Variants in IL1RAPL1 observed in about 807,000 individuals in gnomAD.
The protein encoded by IL1RAPL1 is interleukin 1 receptor accessory protein like 1.
IL1RAPL1 carries 3 observed loss-of-function variants against 48.4 expected under a neutral mutation model. The ratio of observed to expected loss-of-function variants is 0.06; its 90% CI spans 0.03 to 0.16. The LOEUF (loss-of-function observed/expected upper bound fraction) is 0.16. Ranked by LOEUF, IL1RAPL1 falls within the 10% of genes least tolerant of loss-of-function variation. The pLI is 1.00. For synonymous variants in IL1RAPL1, 185 were observed against 187.7 expected, an observed-to-expected ratio of 0.99 and a Z score of 0.12; for missense variants, 349 against 530.6, an observed-to-expected ratio of 0.66 and a Z score of 3.36.
intron 2 of IL1RAPL1, among the ~76,000 whole-genome samples, chrX:28,862,886 ATT>A (rs71997063): frequency 0.4 from 40,766 of 103,076 alleles, 6,096 homozygotes; most frequent in East Asian, 0.55. Flanking sequence ...AAATTATGCC[ATT>A]TTTTTTTTTT....
At chrX:29,495,460 G>A (rs774297654) in intron 5 of IL1RAPL1, among the ~76,000 whole-genome samples, 2 of 111,577 alleles carry the variant, frequency 1.8e-5, no homozygotes, top group South Asian at 3.8e-4. Context: ...CATCTATCTC[G>A]TAATCTAATC....
intron 3 of IL1RAPL1, among the ~76,000 whole-genome samples, chrX:29,356,514 CAT>C (rs57795031): frequency 0.024 from 1,986 of 81,239 alleles, 23 homozygotes; most frequent in Non-Finnish European, 0.038. Context: ...TATACACACA[CAT>C]ATGTATATTT....
At chrX:28,736,118 A>G (rs1019293964) in intron 1 of IL1RAPL1, among the ~76,000 whole-genome samples, 1 of 111,680 alleles carries the variant, frequency 9.0e-6, no homozygotes, top group African/African-American at 3.3e-5. Flanking sequence ...ATTAGAATGT[A>G]TACAATCCTT....
At chrX:29,268,729 C>T in intron 2 of IL1RAPL1, among the ~76,000 whole-genome samples, 1 of 112,090 alleles carries the variant, frequency 8.9e-6, no homozygotes, top group African/African-American at 3.2e-5. Flanking sequence ...GCTTAATGCG[C>T]TATGCAGTAA....
At chrX:29,211,145 C>T (rs757962383) in intron 2 of IL1RAPL1, among the ~76,000 whole-genome samples, 9 of 95,912 alleles carry the variant, frequency 9.4e-5, no homozygotes, top group African/African-American at 3.5e-4. Flanking sequence ...GAGAGAGAAC[C>T]GAAACAAAGT....
intron 3 of IL1RAPL1, among the ~76,000 whole-genome samples, chrX:29,366,204 A>G (rs1306151123): frequency 9.0e-6 from 1 of 111,228 alleles, no homozygotes; most frequent in Non-Finnish European, 1.9e-5. Context: ...ATATTACCTT[A>G]AGTTGGGGGT....
At chrX:29,377,647 G>C (rs753965334) in intron 3 of IL1RAPL1, among the ~76,000 whole-genome samples, 1 of 112,000 alleles carries the variant, frequency 8.9e-6, no homozygotes, top group Admixed American at 9.5e-5. Context: ...AAAATTATTG[G>C]TTGAAATTTA....
intron 2 of IL1RAPL1, among the ~76,000 whole-genome samples, chrX:28,878,367 C>T (rs1184708062): frequency 9.0e-6 from 1 of 111,280 alleles, no homozygotes; most frequent in Non-Finnish European, 1.9e-5. Context: ...GGCATGACGG[C>T]ATGATCATAC....
chrX:28,759,374 GTCTTCCATTAAAAATGGAA>G lies in IL1RAPL1; in HGVS notation c.-24-29945_-24-29927del, dbSNP rs753165425. On this transcript the variant is annotated intron_variant, in intron 1 of 10. Transcript: ENST00000378993. Reference sequence around the variant, plus strand: ...AGGAGCTCTGAATGCAATACTATCTGTCTTCCATTAAAAATGGAAGACATCATTCCCATAAGTTGGGAAA... The same window carrying G: ...AGGAGCTCTGAATGCAATACTATCTGGACATCATTCCCATAAGTTGGGAAA... Among the ~76,000 whole-genome samples the G allele has an allele frequency of 3.6e-5, 4 of 110,994 alleles. No individual in the cohort carries two copies. In the East Asian group the frequency reaches 1.1e-3, roughly 31 times the overall value.
At position 29,839,762 on chromosome X, in the gene IL1RAPL1, T is replaced by G. The variant is rs12007226; in HGVS notation, c.779-77702T>G. Among the ~76,000 whole-genome samples, 917 of 110,896 alleles carry G rather than the reference T, an allele frequency of 8.3e-3. 4 individuals carry two copies. Among genetic ancestry groups the G allele is most frequent in the African/African-American group, 0.028 (848 of 30,434 alleles). On this transcript the variant is annotated intron_variant, in intron 6 of 10. Transcript: ENST00000378993. ...GAGAATTTGTCTCTACAAAAATATT[T>G]TTTTTAAAAATTAGCCAAACATGGC...
At chrX:29,028,798 G>C (rs1926550411) in intron 2 of IL1RAPL1, among the ~76,000 whole-genome samples, 4 of 111,195 alleles carry the variant, frequency 3.6e-5, no homozygotes. Flanking sequence ...CAAACAACTA[G>C]TCCAAAAGGT....
chrX:29,727,459 A>G (rs1927803327), intron 6 of IL1RAPL1, among the ~76,000 whole-genome samples: 1 of 112,092 alleles, frequency 8.9e-6, no homozygotes, highest in African/African-American at 3.2e-5. Context: ...ATTAACTATG[A>G]CAGGGTCCCC....
intron 5 of IL1RAPL1, among the ~76,000 whole-genome samples, chrX:29,544,317 C>T (rs1421028725): frequency 8.9e-6 from 1 of 112,124 alleles, no homozygotes; most frequent in Admixed American, 9.5e-5. Flanking sequence ...CATTGCATAT[C>T]GACTTATTCA....
At chrX:29,913,674 C>T (rs1293929788) in intron 6 of IL1RAPL1, among the ~76,000 whole-genome samples, 1 of 110,967 alleles carries the variant, frequency 9.0e-6, no homozygotes, top group Non-Finnish European at 1.9e-5. Context: ...ATTCTCAATC[C>T]TTGATTCTGT....
intron 6 of IL1RAPL1, among the ~76,000 whole-genome samples, chrX:29,766,384 G>T (rs755193583): frequency 0.012 from 985 of 83,806 alleles, 63 homozygotes; most frequent in African/African-American, 0.049. Flanking sequence ...TAGATAGATA[G>T]ATATTTTTAT....
Position 29,353,302 on chromosome X carries a change from T to C in IL1RAPL1, c.363-42956T>C, listed in dbSNP as rs940852926. 1.5e-4 allele frequency among the ~76,000 whole-genome samples: 17 copies of C among 111,418 alleles called. No homozygotes were observed. The South Asian group carries it at 2.2e-3, about 15-fold the overall frequency. ...GAAGCCAAGAAGGGGTTATGGGAAA[T>C]AAGCTGATTACGGCAGGTAAGACAG... On this transcript the variant is annotated intron_variant, in intron 3 of 10. Coordinates refer to ENST00000378993, the MANE Select transcript of IL1RAPL1 (RefSeq NM_014271.4).
intron 2 of IL1RAPL1, among the ~76,000 whole-genome samples, chrX:28,808,604 T>C (rs1936757664): frequency 9.0e-6 from 1 of 111,172 alleles, no homozygotes. Context: ...TTATAATACT[T>C]GAATTGGAAT....
rs946470382 is a variant in IL1RAPL1, at chrX:28,674,644, A to G, written c.-25+86597A>G. Among the ~76,000 whole-genome samples, 4 of 111,844 alleles carry G rather than the reference A, an allele frequency of 3.6e-5. No homozygotes were observed. The East Asian group carries it at 8.4e-4, about 23-fold the overall frequency. On this transcript the variant is annotated intron_variant, in intron 1 of 10. Coordinates refer to ENST00000378993, the MANE Select transcript of IL1RAPL1 (RefSeq NM_014271.4). ...AGTCCTAATGTTGGTTTTGGAACAT[A>G]TGGTCCTCTTGGAGATATATTTATT... is the stretch of plus-strand genomic sequence containing the variant.
intron 3 of IL1RAPL1, among the ~76,000 whole-genome samples, chrX:29,309,674 G>A (rs1464135631): frequency 9.1e-6 from 1 of 109,896 alleles, no homozygotes; most frequent in East Asian, 2.9e-4. Flanking sequence ...TTAGCCGGAC[G>A]TGGTGACGGG....
Sources: allele counts gnomAD v4.1 joint callset (sites outside exome capture counted in the v4.1 genomes callset), GRCh38; gene constraint gnomAD v4.1.1; transcripts MANE v1.5; gene names NCBI Gene and HGNC (gene_info 2026-07-23, HGNC 2026-07-21).